RERE: variants seen among roughly 807,000 people sequenced by gnomAD.
The protein encoded by RERE is arginine-glutamic acid dipeptide repeats protein.
In RERE, 40 loss-of-function variants were observed where a neutral mutation model predicts 146.1. The ratio of observed to expected loss-of-function variants is 0.27; its 90% confidence interval spans 0.21 to 0.36. The LOEUF (loss-of-function observed/expected upper bound fraction) is 0.36. Among genes scored for constraint, RERE ranks in the 10% least tolerant of loss-of-function variants. The pLI is 1.00. For synonymous variants in RERE, 1,003 were observed against 866.0 expected (o/e 1.16, Z -2.78); for missense variants, 1,933 against 2,138.7 (o/e 0.90, Z 1.90).
chr1:8,454,003 T>C (rs1644420858), intron 11 of RERE, among the ~76,000 whole-genome samples: 1 of 152,142 alleles, frequency 6.6e-6, no homozygotes. Flanking sequence ...ATTTTAATAT[T>C]AAACAGTGGC....
intron 1 of RERE, among the ~76,000 whole-genome samples, chr1:8,716,039 G>A (rs992499873): frequency 1.7e-4 from 25 of 150,780 alleles, no homozygotes; most frequent in Non-Finnish European, 7.4e-5. Context: ...CAGCTACTTG[G>A]GAGACTGAGG....
At chr1:8,515,287 T>C (rs1313065857) in intron 7 of RERE, among the ~76,000 whole-genome samples, 1 of 151,138 alleles carries the variant, frequency 6.6e-6, no homozygotes, top group East Asian at 1.9e-4. Context: ...ACTTGAGCTC[T>C]GGAGTTTGAG....
chr1:8,714,466 A>T (rs1293444785), intron 1 of RERE, among the ~76,000 whole-genome samples: 1 of 152,258 alleles, frequency 6.6e-6, no homozygotes, highest in East Asian at 1.9e-4. Context: ...TACCCGGCCA[A>T]ACTGTGAGAT....
At chr1:8,747,128 A>G (rs1188527194) in intron 1 of RERE, among the ~76,000 whole-genome samples, 1 of 151,930 alleles carries the variant, frequency 6.6e-6, no homozygotes, top group Admixed American at 6.6e-5. Flanking sequence ...CAGCCTCCCG[A>G]GTAGCTGGGA....
chr1:8,702,303 T>C lies in RERE; in HGVS notation c.-144-45862A>G, dbSNP rs374277037. On this transcript the variant is annotated intron_variant, in intron 1 of 22. Transcript: ENST00000400908. Reference sequence around the variant, plus strand: ...CAATGCCCACAGAGCGCGGGGCACATGTGCGCCAGGGACGCTTAAGGGCTG... The same window carrying C: ...CAATGCCCACAGAGCGCGGGGCACACGTGCGCCAGGGACGCTTAAGGGCTG... Among the ~76,000 whole-genome samples, 26 of 152,292 alleles carry C rather than the reference T, an allele frequency of 1.7e-4. No homozygotes were observed. In the East Asian group the frequency reaches 2.5e-3, roughly 15 times the overall value.
At chr1:8,402,966 T>A (rs1643314825) in intron 12 of RERE, among the ~76,000 whole-genome samples, 1 of 152,200 alleles carries the variant, frequency 6.6e-6, no homozygotes, top group South Asian at 2.1e-4. Context: ...TGGCGCGATC[T>A]CAGCTCACTG....
intron 11 of RERE, among the ~76,000 whole-genome samples, chr1:8,437,468 C>T (rs774677362): frequency 3.9e-5 from 6 of 152,068 alleles, no homozygotes; most frequent in African/African-American, 9.7e-5. Context: ...TCTGGTCTCC[C>T]GCCTACCCCA....
At chr1:8,628,921 C>A (rs1223218557) in intron 2 of RERE, among the ~76,000 whole-genome samples, 1 of 152,088 alleles carries the variant, frequency 6.6e-6, no homozygotes, top group East Asian at 1.9e-4. Context: ...TCCCACGGCC[C>A]CCAAGCACTG....
intron 2 of RERE, among the ~76,000 whole-genome samples, chr1:8,627,979 G>A (rs1299510124): frequency 6.6e-6 from 1 of 152,110 alleles, no homozygotes; most frequent in Non-Finnish European, 1.5e-5. Context: ...CACCTGGCCT[G>A]AGAAATGCTG....
chr1:8,784,122 C>T (rs771410957), intron 1 of RERE, among the ~76,000 whole-genome samples: 6 of 152,220 alleles, frequency 3.9e-5, no homozygotes, highest in Admixed American at 2.6e-4. Flanking sequence ...CCTGCTCATT[C>T]TGCTCCCACC....
intron 7 of RERE, chr1:8,512,042 T>G (rs992806008): frequency 1.7e-5 from 2 of 120,814 alleles, no homozygotes; most frequent in Middle Eastern, 7.0e-3. Context: ...TTTTTTTTTT[T>G]TTGAGACGGA....
At chr1:8,389,245 T>C in intron 12 of RERE, among the ~76,000 whole-genome samples, 1 of 152,198 alleles carries the variant, frequency 6.6e-6, no homozygotes, top group East Asian at 1.9e-4. Context: ...ACAGCACAAG[T>C]AGCCTCAGGG....
At chr1:8,503,513 A>G (rs567545456) in intron 8 of RERE, among the ~76,000 whole-genome samples, 1 of 149,856 alleles carries the variant, frequency 6.7e-6, no homozygotes, top group East Asian at 1.9e-4. Flanking sequence ...ATAAACTGCT[A>G]CATTCATACA....
At chr1:8,359,662 G>A (rs532966381) in intron 19 of RERE, 102 bp downstream of exon 19, 3 of 1,289,188 alleles carry the variant, frequency 2.3e-6, no homozygotes, top group Admixed American at 1.8e-5. Context: ...CTGCCAGGAG[G>A]CCGAGTCAGG....
intron 1 of RERE, among the ~76,000 whole-genome samples, chr1:8,694,427 G>A (rs1244345715): frequency 6.6e-6 from 1 of 152,132 alleles, no homozygotes; most frequent in Non-Finnish European, 1.5e-5. Flanking sequence ...CAAGGAGGGG[G>A]AAAATCTCTG....
At chr1:8,766,348 T>G (rs1378178811) in intron 1 of RERE, among the ~76,000 whole-genome samples, 1 of 151,942 alleles carries the variant, frequency 6.6e-6, no homozygotes. Context: ...AAGACCAGCC[T>G]GGCCAACATG....
chr1:8,504,021 T>A (rs913533928), intron 8 of RERE, among the ~76,000 whole-genome samples: 1 of 152,226 alleles, frequency 6.6e-6, no homozygotes, highest in African/African-American at 2.4e-5. Context: ...ATAAAGGCCA[T>A]AGAAAAATCT....
At chr1:8,559,280 C>CAAAAAA (rs548075266) in intron 4 of RERE, among the ~76,000 whole-genome samples, 166 of 12,038 alleles carry the variant, frequency 0.014, 14 homozygotes, top group East Asian at 0.022. Flanking sequence ...AACTCCAGCT[C>CAAAAAA]AAAAAAAAAA....
Position 8,557,573 on chromosome 1 carries a change from A to T in RERE, c.523-50T>A, listed in dbSNP as rs1384399598. On this transcript the variant is annotated intron_variant, in intron 4 of 22. Coordinates refer to ENST00000400908, the MANE Select transcript of RERE (RefSeq NM_001042681.2). The stretch of plus-strand genomic sequence containing the variant: ...TAGGAACAGGATTTCAGGTGGCCAC[A>T]AGTGCATATCATACCCATGACCAAA... 6 of 1,227,844 alleles carry T rather than the reference A, an allele frequency of 4.9e-6. No individual in the cohort carries two copies. The East Asian group carries it at 1.2e-4, about 24-fold the overall frequency. 76.1% of individuals were successfully genotyped at this position (1,227,844 alleles called of 1,614,324 possible).
Sources: allele counts gnomAD v4.1 joint callset (sites outside exome capture counted in the v4.1 genomes callset), GRCh38; gene constraint gnomAD v4.1.1; transcripts MANE v1.5; gene names NCBI Gene and HGNC (gene_info 2026-07-23, HGNC 2026-07-21).